Variants in HTR4 observed in about 807,000 individuals in gnomAD.
HTR4 encodes the protein 5-hydroxytryptamine receptor 4.
Under a neutral mutation model 36.8 loss-of-function variants are expected in HTR4, and 16 were observed. That is an observed-to-expected ratio of 0.43 (90% CI 0.29 to 0.66). HTR4 has a LOEUF of 0.66. Ranked by LOEUF, HTR4 falls within the 30% of genes least tolerant of loss-of-function variation. The pLI is 0.13. For synonymous variants in HTR4, 189 were observed against 185.1 expected, an observed-to-expected ratio of 1.02 and a Z score of -0.17; for missense variants, 438 against 490.9, an observed-to-expected ratio of 0.89 and a Z score of 1.02.
chr5:148,618,888 A>C (rs929240862), intron 2 of HTR4, among the ~76,000 whole-genome samples: 13 of 152,208 alleles, frequency 8.5e-5, no homozygotes, highest in African/African-American at 2.9e-4. Flanking sequence ...TGACCACAGA[A>C]GTATACTGAG....
At chr5:148,644,989 T>C (rs1753839139) in intron 1 of HTR4, 1 of 152,252 alleles carries the variant, frequency 6.6e-6, no homozygotes, top group Non-Finnish European at 1.5e-5. Flanking sequence ...TATTTGTTTT[T>C]ACAGTTTTCT....
intron 5 of HTR4, chr5:148,461,822 A>C (rs1165539061): frequency 6.6e-6 from 1 of 152,088 alleles, no homozygotes; most frequent in Non-Finnish European, 1.5e-5. Context: ...ATTCTTCTTA[A>C]GTTCATATGG....
chr5:148,478,870 T>C (rs1411037461), downstream of HTR4, among the ~76,000 whole-genome samples: 2 of 152,122 alleles, frequency 1.3e-5, no homozygotes, highest in Non-Finnish European at 2.9e-5. Flanking sequence ...CATTACTCTG[T>C]CTCCTGACTG....
intron 2 of HTR4, among the ~76,000 whole-genome samples, chr5:148,631,635 C>T (rs922362542): frequency 6.6e-5 from 10 of 152,050 alleles, no homozygotes; most frequent in Non-Finnish European, 8.8e-5. Flanking sequence ...TTAATCAACC[C>T]CAAAATCAAC....
chr5:148,481,350 A>G (rs1255353699), downstream of HTR4: 4 of 568,160 alleles, frequency 7.0e-6, no homozygotes, highest in African/African-American at 7.6e-5. Flanking sequence ...ATATGTGACA[A>G]GAATGGTTCC....
At chr5:148,530,202 C>G (rs1037114327) in intron 4 of HTR4, among the ~76,000 whole-genome samples, 3 of 152,136 alleles carry the variant, frequency 2.0e-5, no homozygotes, top group African/African-American at 7.2e-5. Context: ...GCAGAAACTT[C>G]CATAAGTAAC....
At chr5:148,453,008 G>C (rs7727320) in intron 5 of HTR4, among the ~76,000 whole-genome samples, 63,848 of 152,092 alleles carry the variant, frequency 0.42, 15,862 homozygotes, top group African/African-American at 0.69. Flanking sequence ...GGCTTCTTGT[G>C]CAGCTCCATG....
chr5:148,490,489 TAG>T, intron 6 of HTR4: 7 of 740,002 alleles, frequency 9.5e-6, no homozygotes, highest in Non-Finnish European at 1.2e-5. Flanking sequence ...CTGGCTGAAA[TAG>T]AGTTTGCTGT....
chr5:148,636,960 A>C, intron 2 of HTR4, 29 bp downstream of exon 2: 1 of 1,429,114 alleles, frequency 7.0e-7, no homozygotes, highest in Non-Finnish European at 9.8e-7. Flanking sequence ...CTCAGTTTAC[A>C]ACACAATATG....
intron 5 of HTR4, among the ~76,000 whole-genome samples, chr5:148,451,805 C>T (rs1212190735): frequency 1.3e-5 from 2 of 152,192 alleles, no homozygotes; most frequent in Non-Finnish European, 2.9e-5. Context: ...CACTAAGCAT[C>T]ACAGTGAAAT....
At chr5:148,625,312 C>T (rs1366065628) in intron 2 of HTR4, among the ~76,000 whole-genome samples, 2 of 152,060 alleles carry the variant, frequency 1.3e-5, no homozygotes, top group Non-Finnish European at 2.9e-5. Flanking sequence ...TAAAACACTG[C>T]TAAAATTAAG....
In HTR4 at chr5:148,509,956, G is replaced by C; in HGVS notation, c.576C>G (p.Tyr192Ter). ...AGGCCACCACAGAGCAGGTGATGGC[G>C]TAGGGCTTGTTGACCATGAAGACAC... The part of the protein sequence containing the change: ...TYCVFMVNKP[Y>*]AITCSVVAFY... The change falls in exon 6 of 7, where the codon TAC becomes TAG. Residue 192 changes from tyrosine (Y) to a stop codon, truncating the protein, a stop_gained. Transcript: ENST00000377888. LOFTEE classifies it high-confidence loss of function. 6.2e-7 allele frequency: 1 copy of C among 1,613,832 alleles called. No individual in the cohort carries two copies. The highest frequency in any genetic ancestry group is 8.5e-7 in the Non-Finnish European group (1 of 1,179,872).
At chr5:148,490,227 T>C (rs912155297) in intron 6 of HTR4, among the ~76,000 whole-genome samples, 1 of 149,778 alleles carries the variant, frequency 6.7e-6, no homozygotes, top group African/African-American at 2.4e-5. Context: ...ATATATATCC[T>C]GATCAGTAAA....
At chr5:148,515,654 T>C (rs1192622109) in intron 5 of HTR4, among the ~76,000 whole-genome samples, 1 of 152,216 alleles carries the variant, frequency 6.6e-6, no homozygotes. Context: ...TCTCACTTCT[T>C]TCATTTTATT....
At chr5:148,468,583 C>G (rs1035903154) in intron 5 of HTR4, among the ~76,000 whole-genome samples, 1 of 152,174 alleles carries the variant, frequency 6.6e-6, no homozygotes, top group Non-Finnish European at 1.5e-5. Context: ...GGGAACAAGT[C>G]TCAGAACTGC....
intron 5 of HTR4, among the ~76,000 whole-genome samples, chr5:148,516,859 T>G (rs1409755656): frequency 6.6e-6 from 1 of 152,156 alleles, no homozygotes; most frequent in Non-Finnish European, 1.5e-5. Flanking sequence ...GCAGATAGAA[T>G]ATGAAAAGAA....
At chr5:148,483,459 T>C (rs971959567) in intron 6 of HTR4, among the ~76,000 whole-genome samples, 166 bp from the exon 7 acceptor site, 1 of 152,208 alleles carries the variant, frequency 6.6e-6, no homozygotes, top group South Asian at 2.1e-4. Flanking sequence ...ATATTAATTT[T>C]TGGCAATAAT....
At chr5:148,500,728 A>T (rs1006660438) in intron 6 of HTR4, among the ~76,000 whole-genome samples, 1 of 152,154 alleles carries the variant, frequency 6.6e-6, no homozygotes, top group Non-Finnish European at 1.5e-5. Context: ...TATAAGAATA[A>T]ATATAAATAG....
At chr5:148,590,127 T>C (rs1197797113) in intron 2 of HTR4, among the ~76,000 whole-genome samples, 1 of 152,094 alleles carries the variant, frequency 6.6e-6, no homozygotes, top group Non-Finnish European at 1.5e-5. Context: ...ACAATTTTTG[T>C]GTTTTGTTGA....
Sources: gnomAD v4.1 joint callset for allele counts (sites outside exome capture counted in the v4.1 genomes callset) on GRCh38, gnomAD v4.1.1 for gene constraint, MANE v1.5 for transcripts, NCBI Gene and HGNC (gene_info 2026-07-23, HGNC 2026-07-21) for gene names.